Variants in PRKCB observed in about 807,000 individuals in gnomAD.
The protein encoded by PRKCB is protein kinase C beta.
Under a neutral mutation model 81.5 loss-of-function variants are expected in PRKCB, and 13 were observed. The ratio of observed to expected loss-of-function variants is 0.16; its 90% CI spans 0.10 to 0.25. The LOEUF is 0.25. Ranked by LOEUF, PRKCB falls within the 10% of genes least tolerant of loss-of-function variation. The pLI, the probability that PRKCB is intolerant of heterozygous loss-of-function variation, is 1.00. For missense variants in PRKCB, 509 were observed against 875.7 expected (o/e 0.58, Z 5.29); for synonymous variants, 335 against 321.4 (o/e 1.04, Z -0.45).
chr16:23,881,948 C>G (rs1963114909), intron 2 of PRKCB, among the ~76,000 whole-genome samples: 1 of 151,218 alleles, frequency 6.6e-6, no homozygotes, highest in Non-Finnish European at 1.5e-5. Context: ...TGGCTGGTTT[C>G]TTCCTTTTTT....
At chr16:23,972,510 A>G (rs1223706311) in intron 2 of PRKCB, among the ~76,000 whole-genome samples, 6 of 152,156 alleles carry the variant, frequency 3.9e-5, no homozygotes, top group Non-Finnish European at 8.8e-5. Flanking sequence ...ATTTCCTTTC[A>G]GTTTTTAATT....
At chr16:24,020,935 G>C (rs1320254091) in intron 3 of PRKCB, among the ~76,000 whole-genome samples, 1 of 151,960 alleles carries the variant, frequency 6.6e-6, no homozygotes, top group African/African-American at 2.4e-5. Flanking sequence ...CCACCTGTGG[G>C]CAAAGCTGCA....
At chr16:23,962,861 T>C (rs997245399) in intron 2 of PRKCB, 2 of 152,176 alleles carry the variant, frequency 1.3e-5, no homozygotes, top group Non-Finnish European at 2.9e-5. Context: ...TAACAGTATA[T>C]GTGGTATCCA....
At chr16:23,868,496 A>G (rs951890525) in intron 2 of PRKCB, among the ~76,000 whole-genome samples, 2 of 152,234 alleles carry the variant, frequency 1.3e-5, no homozygotes, top group Non-Finnish European at 2.9e-5. Flanking sequence ...GATTTTCACA[A>G]TGACCTATCA....
intron 2 of PRKCB, among the ~76,000 whole-genome samples, chr16:23,943,981 T>C (rs1456721050): frequency 6.6e-6 from 1 of 152,238 alleles, no homozygotes. Flanking sequence ...CTTGGTTCCT[T>C]ATGGACTTTT....
At chr16:24,001,681 C>T (rs141187671) in intron 3 of PRKCB, among the ~76,000 whole-genome samples, 2,520 of 151,782 alleles carry the variant, frequency 0.017, 29 homozygotes, top group Non-Finnish European at 0.024. Flanking sequence ...TCGTAAAACC[C>T]CAGACAAATA....
At chr16:24,033,260 A>G (rs1364644991) in intron 4 of PRKCB, among the ~76,000 whole-genome samples, 1 of 152,180 alleles carries the variant, frequency 6.6e-6, no homozygotes, top group Non-Finnish European at 1.5e-5. Flanking sequence ...GTCATAGGGC[A>G]GAGAGTGACA....
chr16:23,903,093 A>G lies in PRKCB; in HGVS notation c.205+65687A>G, dbSNP rs190315534. Among the ~76,000 whole-genome samples, 588 of 149,756 alleles carry G rather than the reference A, an allele frequency of 3.9e-3. 3 individuals carry two copies. Among genetic ancestry groups the G allele is most frequent in the Non-Finnish European group, 5.6e-3 (377 of 67,686 alleles). On this transcript the variant is annotated intron_variant, in intron 2 of 16. Coordinates refer to ENST00000643927, the MANE Select transcript of PRKCB (RefSeq NM_002738.7). ...GAGCCCTCCTGCTTCAGCCTCCCCA[A>G]GTTCTGGGATTACAGGTGTGAGCTG...
chr16:23,869,383 A>G (rs1036077852), intron 2 of PRKCB: 13 of 250,250 alleles, frequency 5.2e-5, no homozygotes, highest in African/African-American at 2.9e-4. Flanking sequence ...ATTGTAAGTC[A>G]CTAGAATTTT....
chr16:24,174,478 T>A (rs1387172162), intron 11 of PRKCB, 40 bp from the exon 12 acceptor site: 1 of 1,573,882 alleles, frequency 6.4e-7, no homozygotes, highest in Non-Finnish European at 8.7e-7. Context: ...TATGGTGTCC[T>A]TGAGTTTCTC....
chr16:24,138,273 C>T (rs1966871846), intron 9 of PRKCB, among the ~76,000 whole-genome samples: 1 of 152,206 alleles, frequency 6.6e-6, no homozygotes, highest in African/African-American at 2.4e-5. Flanking sequence ...TGCTCTGTAA[C>T]TCCAACAACA....
intron 2 of PRKCB, among the ~76,000 whole-genome samples, chr16:23,922,138 G>A (rs555206665): frequency 1.7e-4 from 26 of 152,304 alleles, no homozygotes; most frequent in South Asian, 8.3e-4. Context: ...TAAAAATGAC[G>A]TCTTAATAGT....
At chr16:23,922,977 C>A (rs535231971) in intron 2 of PRKCB, among the ~76,000 whole-genome samples, 24 of 152,038 alleles carry the variant, frequency 1.6e-4, no homozygotes, top group African/African-American at 5.8e-4. Context: ...TTTAGAGTTA[C>A]CTTTTTTTCC....
chr16:24,094,358 G>C (rs1966413118), intron 7 of PRKCB, 61 bp downstream of exon 7: 1 of 1,570,734 alleles, frequency 6.4e-7, no homozygotes, highest in East Asian at 2.2e-5. Context: ...GCGGGGTCAA[G>C]TATGTTTTCC....
At chr16:24,067,958 AAGAGAG>A (rs947120094) in intron 5 of PRKCB, among the ~76,000 whole-genome samples, 25 of 138,648 alleles carry the variant, frequency 1.8e-4, no homozygotes, top group Admixed American at 2.8e-4. Flanking sequence ...AAAAAAAAAA[AAGAGAG>A]AGAGAGAGAG....
At chr16:24,030,442 A>G (rs986500979) in intron 3 of PRKCB, among the ~76,000 whole-genome samples, 1 of 152,132 alleles carries the variant, frequency 6.6e-6, no homozygotes, top group Non-Finnish European at 1.5e-5. Flanking sequence ...AGTAATAGCA[A>G]TCATGGAAAG....
At position 23,863,004 on chromosome 16, in the gene PRKCB, G is replaced by A. The variant is rs1962700562; in HGVS notation, c.205+25598G>A. Among the ~76,000 whole-genome samples the A allele has an allele frequency of 1.3e-5, 2 of 151,112 alleles. 1 individual carries two copies. The highest frequency in any genetic ancestry group is 4.2e-4 in the South Asian group (2 of 4,810). On this transcript the variant is annotated intron_variant, in intron 2 of 16. Transcript: ENST00000643927. ...GATTATTGCAAAACAGAGTAATTAA[G>A]AAAATTAATCCTTTATCACAAACCC... is the stretch of plus-strand genomic sequence containing the variant.
At position 24,092,958 on chromosome 16, in the gene PRKCB, A is replaced by G. The variant is rs752290250; in HGVS notation, c.686+11A>G. 6.8e-6 allele frequency: 11 copies of G among 1,612,588 alleles called. No individual in the cohort carries two copies. The highest frequency in any genetic ancestry group is 9.3e-6 in the Non-Finnish European group (11 of 1,179,694). On this transcript the variant is annotated intron_variant, in intron 6 of 16. Transcript: ENST00000643927. ...TGAGACATTTAGATTGTAAGTGGAA[A>G]TGACTGCAGTGAGCATGGGTGGTGG...
intron 2 of PRKCB, among the ~76,000 whole-genome samples, chr16:23,906,315 ATTTCTT>A (rs936857176): frequency 9.2e-5 from 14 of 151,948 alleles, no homozygotes; most frequent in African/African-American, 3.4e-4. Context: ...TGAAAGCTCT[ATTTCTT>A]TTTCTGTGAA....
Sources: gnomAD v4.1 joint callset for allele counts (sites outside exome capture counted in the v4.1 genomes callset) on GRCh38, gnomAD v4.1.1 for gene constraint, MANE v1.5 for transcripts, NCBI Gene and HGNC (gene_info 2026-07-23, HGNC 2026-07-21) for gene names.